The following LINGO1 variants were observed in gnomAD, a reference collection of about 807,000 sequenced individuals.
LINGO1 encodes the protein leucine-rich repeat and immunoglobulin-like domain-containing nogo receptor-interacting protein 1.
In LINGO1, 11 loss-of-function variants were observed where a neutral mutation model predicts 37.3. The ratio of observed to expected loss-of-function variants is 0.29; its 90% CI spans 0.19 to 0.49. The LOEUF (loss-of-function observed/expected upper bound fraction) is 0.49. Ranked by LOEUF, LINGO1 falls within the 20% of genes least tolerant of loss-of-function variation. The pLI, the probability that LINGO1 is intolerant of heterozygous loss-of-function variation, is 0.99. For synonymous variants in LINGO1, 387 were observed against 403.0 expected, an observed-to-expected ratio of 0.96 and a Z score of 0.48; for missense variants, 585 against 878.2, an observed-to-expected ratio of 0.67 and a Z score of 4.22.
intron 1 of LINGO1, among the ~76,000 whole-genome samples, chr15:77,738,936 G>C (rs1240338653): frequency 2.0e-5 from 3 of 152,270 alleles, no homozygotes; most frequent in African/African-American, 4.8e-5. Flanking sequence ...ATGCCCAGCA[G>C]GCAGGACACA....
chr15:77,776,594 C>T (rs901699080), intron 1 of LINGO1, among the ~76,000 whole-genome samples: 6 of 147,044 alleles, frequency 4.1e-5, no homozygotes, highest in African/African-American at 1.5e-4. Flanking sequence ...TTTGGGGCCG[C>T]AATATAACAG....
At chr15:77,714,369 T>C (rs1359236511) in intron 2 of LINGO1, among the ~76,000 whole-genome samples, 2 of 152,144 alleles carry the variant, frequency 1.3e-5, no homozygotes, top group Non-Finnish European at 1.5e-5. Context: ...TTAAATCAGA[T>C]TGTCACCACC....
intron 1 of LINGO1, among the ~76,000 whole-genome samples, chr15:77,758,409 G>A (rs1383050164): frequency 6.6e-6 from 1 of 152,104 alleles, no homozygotes; most frequent in Non-Finnish European, 1.5e-5. Context: ...CAACTCACTT[G>A]ACCTTTCTTG....
At position 77,615,400 on chromosome 15, in the gene LINGO1, G is replaced by C; in HGVS notation, c.507C>G (p.Leu169=). 1.2e-6 allele frequency: 2 copies of C among 1,614,044 alleles called. No individual in the cohort carries two copies. Among genetic ancestry groups the C allele is most frequent in the Non-Finnish European group, 1.7e-6 (2 of 1,179,904 alleles). The change falls in exon 2 of 2, where the codon CTC becomes CTG. Residue 169 remains leucine, a synonymous_variant. Transcript: ENST00000355300. ...LDYMFQDLYN[L]KSLEVGDNDL... ...CATTGTCGCCAACCTCCAGTGACTT[G>C]AGGTTGTACAGGTCCTGAAACATGT...
chr15:77,614,134 G>A lies in LINGO1; in HGVS notation c.1773C>T (p.His591=). The A allele has an allele frequency of 6.2e-7, 1 of 1,614,016 alleles. No homozygotes were observed. The highest frequency in any genetic ancestry group is 1.1e-5 in the South Asian group (1 of 91,084). The part of the protein sequence containing the change: ...LWSRGKGNTK[H]NIEIEYVPRK... ...GGGGCACATACTCGATCTCGATGTT[G>A]TGCTTTGTGTTGCCCTTGCCCCGGC... is the stretch of plus-strand genomic sequence containing the variant. Residue 591 remains histidine, a synonymous_variant, in exon 2 of 2, where the codon CAC becomes CAT. Transcript: ENST00000355300.
At chr15:77,779,190 A>T (rs903855284) in intron 1 of LINGO1, among the ~76,000 whole-genome samples, 1 of 151,812 alleles carries the variant, frequency 6.6e-6, no homozygotes, top group Non-Finnish European at 1.5e-5. Context: ...TTCTCCTTGT[A>T]TTTGTTTCTC....
chr15:77,720,107 G>T (rs1445090258), intron 2 of LINGO1, among the ~76,000 whole-genome samples: 3 of 149,690 alleles, frequency 2.0e-5, no homozygotes, highest in Admixed American at 6.7e-5. Flanking sequence ...CACCCCCTTG[G>T]CTTCACCAAG....
intron 2 of LINGO1, among the ~76,000 whole-genome samples, chr15:77,717,190 T>C (rs1052794612): frequency 2.0e-5 from 3 of 150,698 alleles, no homozygotes; most frequent in Non-Finnish European, 4.4e-5. Context: ...GAGGTTCCAG[T>C]TATTAGTTGA....
At chr15:77,699,631 A>ATCACCTGCACACAGTAAG (rs2075748813), upstream of LINGO1, among the ~76,000 whole-genome samples, 1 of 3,054 alleles carries the variant, frequency 3.3e-4, no homozygotes, top group Non-Finnish European at 1.4e-3. Flanking sequence ...CACAAACTAA[A>ATCACCTGCACACAGTAAG]CACATACTAA....
intron 1 of LINGO1, among the ~76,000 whole-genome samples, chr15:77,624,159 G>A (rs2074018527): frequency 1.4e-5 from 1 of 69,782 alleles, no homozygotes; most frequent in Admixed American, 1.7e-4. Flanking sequence ...TGTGTGAGTG[G>A]CCTCTGTGTG....
At chr15:77,773,204 G>T (rs761491124) in intron 1 of LINGO1, among the ~76,000 whole-genome samples, 3 of 152,228 alleles carry the variant, frequency 2.0e-5, no homozygotes, top group Non-Finnish European at 2.9e-5. Flanking sequence ...GCAATGGGAG[G>T]CCGGACCATG....
At chr15:77,617,035 T>C (rs2073750246) in intron 1 of LINGO1, among the ~76,000 whole-genome samples, 1 of 152,126 alleles carries the variant, frequency 6.6e-6, no homozygotes, top group Non-Finnish European at 1.5e-5. Context: ...CAGGCAACCC[T>C]GGAGGAGTGT....
At chr15:77,760,916 C>CTTTTTTTTTTTTTTTTTTT (rs34524098) in intron 1 of LINGO1, among the ~76,000 whole-genome samples, 1 of 96,400 alleles carries the variant, frequency 1.0e-5, no homozygotes, top group African/African-American at 4.9e-5. Context: ...TAATAAGTAT[C>CTTTTTTTTTTTTTTTTTTT]TTTTTTTTTT....
rs199940507 is a variant in LINGO1 at position 77,647,938 on chromosome 15, CCAT to C, written c.-13+29148_-13+29150del. Reference sequence around the variant, plus strand: ...CCCTTCTCTATGAAAATTGGTGCCACCATTGCTAACTGATGGATGGACAGTGAG... The same window carrying C: ...CCCTTCTCTATGAAAATTGGTGCCACTGCTAACTGATGGATGGACAGTGAG... On this transcript the variant is annotated intron_variant, in intron 3 of 3. Transcript: ENST00000559893. The C allele has an allele frequency of 3.4e-3, 1,558 of 456,578 alleles. 28 individuals are homozygous for C. Among genetic ancestry groups the C allele is most frequent in the African/African-American group, 0.027 (1,373 of 50,184 alleles). The allele number at this position is 456,578 out of a possible 1,614,324, so 28.3% of individuals were successfully genotyped here. A position where few individuals can be genotyped will look rare whatever the true frequency, so the allele number is the denominator to read the frequency against.
intron 2 of LINGO1, among the ~76,000 whole-genome samples, chr15:77,720,190 C>G (rs2076034504): frequency 6.6e-6 from 1 of 151,904 alleles, no homozygotes. Context: ...ACACCTCAGT[C>G]CCCCACATGT....
chr15:77,675,596 G>T (rs1359526003), intron 3 of LINGO1, among the ~76,000 whole-genome samples: 1 of 152,128 alleles, frequency 6.6e-6, no homozygotes, highest in African/African-American at 2.4e-5. Context: ...TGTGGAAGGG[G>T]ACATATCAAA....
At chr15:77,818,606 GC>G (rs1383260234) in intron 1 of LINGO1, among the ~76,000 whole-genome samples, 1 of 152,154 alleles carries the variant, frequency 6.6e-6, no homozygotes. Flanking sequence ...GTCCTGAGGA[GC>G]AGAAGGCGCG....
At chr15:77,670,902 T>C (rs1182156060) in intron 3 of LINGO1, among the ~76,000 whole-genome samples, 1 of 152,176 alleles carries the variant, frequency 6.6e-6, no homozygotes, top group Non-Finnish European at 1.5e-5. Context: ...CAATCCCCTT[T>C]GATGGACAAG....
chr15:77,703,902 A>C (rs1449907330), intron 2 of LINGO1, among the ~76,000 whole-genome samples: 2 of 152,154 alleles, frequency 1.3e-5, no homozygotes, highest in Non-Finnish European at 2.9e-5. Context: ...AGAAAGAGGA[A>C]GAAGATTCTA....
Sources: allele counts gnomAD v4.1 joint callset (sites outside exome capture counted in the v4.1 genomes callset), GRCh38; gene constraint gnomAD v4.1.1; transcripts MANE v1.5; gene names NCBI Gene and HGNC (gene_info 2026-07-23, HGNC 2026-07-21).